PRPSAP2: variants seen among roughly 807,000 people sequenced by gnomAD.
PRPSAP2 encodes the protein phosphoribosyl pyrophosphate synthase-associated protein 2.
PRPSAP2 carries 24 observed loss-of-function variants against 40.6 expected under a neutral mutation model. That is an observed-to-expected ratio of 0.59 (90% CI 0.43 to 0.83). The LOEUF (loss-of-function observed/expected upper bound fraction) is 0.83, where lower values mean the gene tolerates loss of function less well. Ranked by LOEUF, PRPSAP2 falls within the 40% of genes least tolerant of loss-of-function variation. PRPSAP2 has a pLI of 0.00. For synonymous variants in PRPSAP2, 149 were observed against 164.7 expected (o/e 0.90, Z 0.73); for missense variants, 292 against 465.6 (o/e 0.63, Z 3.43).
chr17:18,862,611 T>G (rs2037109904), intron 1 of PRPSAP2, among the ~76,000 whole-genome samples: 1 of 152,056 alleles, frequency 6.6e-6, no homozygotes, highest in Non-Finnish European at 1.5e-5. Context: ...TTTTCACAGT[T>G]GTATGGATGG....
chr17:18,927,789 A>AT (rs945326696), intron 10 of PRPSAP2, among the ~76,000 whole-genome samples: 7 of 151,462 alleles, frequency 4.6e-5, no homozygotes, highest in South Asian at 2.1e-4. Context: ...GTGTGTATGT[A>AT]TTTTTTTTGA....
chr17:18,881,391 C>T (rs2038725380), intron 6 of PRPSAP2, among the ~76,000 whole-genome samples: 1 of 151,776 alleles, frequency 6.6e-6, no homozygotes, highest in Admixed American at 6.6e-5. Flanking sequence ...GCACGTGCCA[C>T]CATGCCTGGC....
intron 4 of PRPSAP2, 129 bp from the exon 5 acceptor site, chr17:18,872,454 C>T: frequency 4.4e-6 from 3 of 686,552 alleles, no homozygotes; most frequent in Non-Finnish European, 7.6e-6. Flanking sequence ...CATCTAAAGC[C>T]TACTGAGTCT....
At chr17:18,873,737 G>A (rs1023856832) in intron 5 of PRPSAP2, among the ~76,000 whole-genome samples, 1 of 152,036 alleles carries the variant, frequency 6.6e-6, no homozygotes, top group African/African-American at 2.4e-5. Context: ...ATAAAAAACT[G>A]TACTGAAGGA....
At chr17:18,924,072 C>T in intron 10 of PRPSAP2, 88 bp downstream of exon 10, 1 of 1,333,544 alleles carries the variant, frequency 7.5e-7, no homozygotes, top group Non-Finnish European at 1.1e-6. Context: ...TACAGAGACT[C>T]ACTGTCGCCC....
At chr17:18,928,251 C>T (rs1305456505) in intron 10 of PRPSAP2, 1 of 161,326 alleles carries the variant, frequency 6.2e-6, no homozygotes, top group Non-Finnish European at 1.4e-5. Flanking sequence ...AGATTGGAAA[C>T]CACTGAACTG....
intron 6 of PRPSAP2, among the ~76,000 whole-genome samples, chr17:18,880,291 C>G (rs910164722): frequency 1.3e-5 from 2 of 152,274 alleles, no homozygotes; most frequent in Admixed American, 6.5e-5. Flanking sequence ...GCAAGTAATG[C>G]TTTAAACAAT....
intron 8 of PRPSAP2, among the ~76,000 whole-genome samples, chr17:18,905,532 T>C (rs189780715): frequency 9.5e-4 from 144 of 152,328 alleles, no homozygotes; most frequent in African/African-American, 3.4e-3. Flanking sequence ...ATGCCAACTC[T>C]TTTGAAGACT....
intron 9 of PRPSAP2, among the ~76,000 whole-genome samples, chr17:18,915,779 C>T (rs559600223): frequency 2.0e-5 from 3 of 152,230 alleles, no homozygotes; most frequent in African/African-American, 7.2e-5. Flanking sequence ...ACCCAAACAT[C>T]TCCCACTAGG....
At chr17:18,909,329 C>T (rs2040810717) in intron 8 of PRPSAP2, among the ~76,000 whole-genome samples, 1 of 151,600 alleles carries the variant, frequency 6.6e-6, no homozygotes, top group Non-Finnish European at 1.5e-5. Flanking sequence ...GCGAGCTCCG[C>T]CTTCCAGGTT....
intron 8 of PRPSAP2, among the ~76,000 whole-genome samples, chr17:18,903,258 G>GCCCA (rs1202400137): frequency 1.3e-5 from 2 of 148,922 alleles, no homozygotes; most frequent in Non-Finnish European, 2.9e-5. Context: ...GTTGCGGTGA[G>GCCCA]CCCAGATCGT....
At chr17:18,862,801 T>TCA (rs2037127669) in intron 1 of PRPSAP2, among the ~76,000 whole-genome samples, 3 of 128,874 alleles carry the variant, frequency 2.3e-5, no homozygotes, top group South Asian at 2.5e-4. Context: ...TTTTATTTAT[T>TCA]TATTTATTTA....
intron 7 of PRPSAP2, 146 bp downstream of exon 7, chr17:18,882,829 T>G: frequency 1.7e-6 from 1 of 593,088 alleles, no homozygotes; most frequent in Non-Finnish European, 3.0e-6. Flanking sequence ...ATCCAACGCA[T>G]TTTAGAATTC....
chr17:18,884,253 C>G (rs991722806), intron 7 of PRPSAP2, among the ~76,000 whole-genome samples: 2 of 151,528 alleles, frequency 1.3e-5, no homozygotes, highest in Non-Finnish European at 2.9e-5. Context: ...GGTGACAGAG[C>G]GAGACTATCT....
At chr17:18,907,788 A>C (rs1021948984) in intron 8 of PRPSAP2, among the ~76,000 whole-genome samples, 2 of 152,178 alleles carry the variant, frequency 1.3e-5, no homozygotes, top group South Asian at 4.1e-4. Context: ...TAGATAACCC[A>C]TAGGTCAAAG....
At chr17:18,866,007 T>G (rs1225986790) in intron 3 of PRPSAP2, 55 bp downstream of exon 3, 1 of 1,241,016 alleles carries the variant, frequency 8.1e-7, no homozygotes, top group Non-Finnish European at 1.1e-6. Flanking sequence ...GCTTTAAATT[T>G]GATAATCAGA....
At chr17:18,870,498 A>G (rs944566230) in intron 4 of PRPSAP2, among the ~76,000 whole-genome samples, 3 of 151,836 alleles carry the variant, frequency 2.0e-5, no homozygotes, top group African/African-American at 4.8e-5. Context: ...ATATGATACC[A>G]TTATCACATT....
chr17:18,908,655 C>T (rs1426367749), intron 8 of PRPSAP2: 18 of 721,072 alleles, frequency 2.5e-5, no homozygotes, highest in African/African-American at 7.0e-5. Context: ...ACTTCGCCAA[C>T]GAGTGCCCCA....
chr17:18,900,285 G>C (rs1218070042), intron 8 of PRPSAP2, among the ~76,000 whole-genome samples: 1 of 152,212 alleles, frequency 6.6e-6, no homozygotes, highest in African/African-American at 2.4e-5. Flanking sequence ...GCCTCCCAAA[G>C]TACTGGAATT....
Sources: allele counts gnomAD v4.1 joint callset (sites outside exome capture counted in the v4.1 genomes callset), GRCh38; gene constraint gnomAD v4.1.1; transcripts MANE v1.5; gene names NCBI Gene and HGNC (gene_info 2026-07-23, HGNC 2026-07-21).